Variants in AGBL1 observed in about 807,000 individuals in gnomAD.
AGBL1 encodes AGBL carboxypeptidase 1.
AGBL1 carries 130 observed loss-of-function variants against 118.9 expected under a neutral mutation model. The ratio of observed to expected loss-of-function variants is 1.09; its 90% CI spans 0.95 to 1.26. The LOEUF (loss-of-function observed/expected upper bound fraction) is 1.26. Among genes scored for constraint, AGBL1 ranks in the 50% most tolerant of loss-of-function variants. The pLI is 0.00. For synonymous variants in AGBL1, 555 were observed against 478.9 expected (o/e 1.16, Z -2.08); for missense variants, 1,584 against 1,298.1 (o/e 1.22, Z -3.38).
intron 5 of AGBL1, among the ~76,000 whole-genome samples, chr15:86,200,503 A>G (rs2077885821): frequency 6.7e-6 from 1 of 148,502 alleles, no homozygotes; most frequent in South Asian, 2.1e-4. Flanking sequence ...TTTATTTTAT[A>G]GCACTTTTTA....
At chr15:86,759,934 T>C (rs1002839418) in intron 22 of AGBL1, among the ~76,000 whole-genome samples, 7 of 152,052 alleles carry the variant, frequency 4.6e-5, no homozygotes, top group Admixed American at 3.9e-4. Flanking sequence ...ATTCTGACAT[T>C]TGGAAAAATG....
chr15:87,003,828 C>G (rs1378537608), intron 24 of AGBL1, among the ~76,000 whole-genome samples: 1 of 152,108 alleles, frequency 6.6e-6, no homozygotes, highest in Non-Finnish European at 1.5e-5. Flanking sequence ...GTGATATCCG[C>G]TTTATCATTT....
At chr15:86,574,195 G>A (rs538426366) in intron 21 of AGBL1, among the ~76,000 whole-genome samples, 1 of 152,330 alleles carries the variant, frequency 6.6e-6, no homozygotes, top group South Asian at 2.1e-4. Context: ...AGGAAGGCGA[G>A]AGCATTTATC....
intron 16 of AGBL1, among the ~76,000 whole-genome samples, chr15:86,293,809 T>G (rs2079587839): frequency 6.6e-6 from 1 of 152,146 alleles, no homozygotes; most frequent in Admixed American, 6.6e-5. Flanking sequence ...AATTCATGAG[T>G]TTTTTGTTTC....
intron 22 of AGBL1, among the ~76,000 whole-genome samples, chr15:86,851,516 G>A (rs1054174301): frequency 2.0e-5 from 3 of 152,148 alleles, no homozygotes; most frequent in African/African-American, 7.2e-5. Flanking sequence ...CATTCAGTGG[G>A]CACAACTTTC....
chr15:86,110,549 G>A (rs1315362082), intron 1 of AGBL1, among the ~76,000 whole-genome samples: 3 of 152,046 alleles, frequency 2.0e-5, no homozygotes, highest in Non-Finnish European at 2.9e-5. Context: ...GCTGTCTCAG[G>A]GGTGGCAGAG....
intron 17 of AGBL1, among the ~76,000 whole-genome samples, chr15:86,309,247 G>A (rs1379364218): frequency 6.6e-6 from 1 of 152,044 alleles, no homozygotes. Context: ...GCTGATTTTT[G>A]TATGTTAAAT....
At chr15:86,505,397 A>AT (rs1255352985) in intron 18 of AGBL1, among the ~76,000 whole-genome samples, 1 of 151,716 alleles carries the variant, frequency 6.6e-6, no homozygotes, top group Non-Finnish European at 1.5e-5. Context: ...TGGAACTCCT[A>AT]TTAGATGTAT....
chr15:86,580,795 A>G (rs2084162939), intron 21 of AGBL1, among the ~76,000 whole-genome samples: 1 of 152,202 alleles, frequency 6.6e-6, no homozygotes, highest in South Asian at 2.1e-4. Context: ...ATGGAACACT[A>G]GAACTTAGTC....
chr15:86,318,696 ATTT>A (rs57988335), intron 17 of AGBL1, among the ~76,000 whole-genome samples: 65 of 81,972 alleles, frequency 7.9e-4, no homozygotes, highest in Non-Finnish European at 1.2e-3. Context: ...TTGATCATAG[ATTT>A]TTTTTTTTTT....
chr15:86,384,346 A>C (rs182104505), intron 17 of AGBL1, among the ~76,000 whole-genome samples: 1 of 152,142 alleles, frequency 6.6e-6, no homozygotes, highest in Non-Finnish European at 1.5e-5. Context: ...GCAGGTCTGC[A>C]CCACAGTTGC....
intron 17 of AGBL1, among the ~76,000 whole-genome samples, chr15:86,307,711 G>A (rs1360319671): frequency 6.6e-6 from 1 of 151,782 alleles, no homozygotes; most frequent in East Asian, 1.9e-4. Flanking sequence ...AGTCTAGTCT[G>A]GACAGTATAG....
rs571064705 is a variant in AGBL1 at position 86,598,978 on chromosome 15, AGT to A, written c.2994+44444_2994+44445del. ...AGCCATTTCTCAAGTGTAATGGGAG[AGT>A]GTATAATATTCCAGCTTTGAGGGTG... On this transcript the variant is annotated intron_variant, in intron 21 of 22. Coordinates refer to ENST00000614907, the MANE Select transcript of AGBL1 (RefSeq NM_001386094.1). Among the ~76,000 whole-genome samples, 26 of 152,190 alleles carry A rather than the reference AGT, an allele frequency of 1.7e-4. No homozygotes were observed. In the South Asian group the frequency reaches 4.8e-3, roughly 28 times the overall value.
chr15:86,923,677 G>A (rs1020291404), intron 23 of AGBL1, among the ~76,000 whole-genome samples: 3 of 152,184 alleles, frequency 2.0e-5, no homozygotes, highest in Non-Finnish European at 4.4e-5. Context: ...TTCCCTGAAA[G>A]CAAGGTTATG....
rs1294283385 is a variant in AGBL1, at chr15:86,907,074, G to C, written c.3159-13G>C. On this transcript the variant is annotated splice_polypyrimidine_tract_variant and intron_variant, in intron 22 of 22. Transcript: ENST00000614907. ...TTCCTTTCTTCTCCATATTTCCCGG[G>C]ACCCAATGGCAGGTGCAGCAGCAGC... The C allele has an allele frequency of 6.6e-6, 1 of 151,988 alleles. No homozygotes were observed. 9.4% of individuals were successfully genotyped at this position (151,988 alleles called of 1,614,324 possible).
intron 7 of AGBL1, among the ~76,000 whole-genome samples, chr15:86,252,476 T>C (rs1312911708): frequency 6.6e-6 from 1 of 152,214 alleles, no homozygotes; most frequent in Non-Finnish European, 1.5e-5. Context: ...GGTTCAAAGA[T>C]GAAGGTGATA....
chr15:86,728,134 A>G (rs929717568), intron 22 of AGBL1, among the ~76,000 whole-genome samples: 7 of 152,212 alleles, frequency 4.6e-5, no homozygotes, highest in African/African-American at 1.7e-4. Context: ...AGGGTCTAAC[A>G]GTCATTGAAC....
At chr15:86,783,411 C>T (rs763582642) in intron 22 of AGBL1, among the ~76,000 whole-genome samples, 43 of 152,074 alleles carry the variant, frequency 2.8e-4, no homozygotes, top group Non-Finnish European at 4.4e-4. Flanking sequence ...TCATTTTTAC[C>T]CTTTCTTTTT....
intron 18 of AGBL1, among the ~76,000 whole-genome samples, chr15:86,429,382 C>T (rs1010204840): frequency 4.6e-5 from 7 of 152,214 alleles, no homozygotes; most frequent in South Asian, 4.1e-4. Context: ...GCAACATGGA[C>T]GTATGATGAA....
Sources: allele counts gnomAD v4.1 joint callset (sites outside exome capture counted in the v4.1 genomes callset), GRCh38; gene constraint gnomAD v4.1.1; transcripts MANE v1.5; gene names NCBI Gene and HGNC (gene_info 2026-07-23, HGNC 2026-07-21).